ZNF347: variants seen among roughly 807,000 people sequenced by gnomAD.
The protein encoded by ZNF347 is zinc finger protein 347, also known as CTD-2620I22.7.
In ZNF347, 19 loss-of-function variants were observed where a neutral mutation model predicts 12.9. The observed-to-expected ratio is 1.47, with a 90% CI of 1.03 to 2.16. The LOEUF (loss-of-function observed/expected upper bound fraction) is 2.16, where lower values mean the gene tolerates loss of function less well. ZNF347 is among the 30% of genes most tolerant of loss of function. The probability of loss-of-function intolerance (pLI) is 0.00; values close to 1 mark genes in which losing one functional copy is unlikely to be tolerated. For synonymous variants in ZNF347, 328 were observed against 340.6 expected, an observed-to-expected ratio of 0.96 and a Z score of 0.41; for missense variants, 1,005 against 990.6, an observed-to-expected ratio of 1.01 and a Z score of -0.19.
At position 53,135,907 on chromosome 19, in the gene ZNF347, G is replaced by A. The variant is rs1253375083; in HGVS notation, c.*4401C>T. 6.6e-6 allele frequency: 1 copy of A among 152,028 alleles called. No homozygotes were observed. The highest frequency in any genetic ancestry group is 1.5e-5 in the Non-Finnish European group (1 of 68,002). 9.4% of individuals were successfully genotyped at this position (152,028 alleles called of 1,614,324 possible). A position where few individuals can be genotyped will look rare whatever the true frequency, so the allele number is the denominator to read the frequency against. On this transcript the variant is annotated 3_prime_UTR_variant, in exon 5 of 5. Coordinates refer to ENST00000334197, the MANE Select transcript of ZNF347 (RefSeq NM_032584.3). Reference sequence around the variant, plus strand: ...AAATCTAAGGGGAGTATATTAAATGGCAGCTGTCATTGCAAAAGTTGCACA... The same window carrying A: ...AAATCTAAGGGGAGTATATTAAATGACAGCTGTCATTGCAAAAGTTGCACA...
chr19:53,151,704 T>C (rs1023825468), intron 2 of ZNF347, among the ~76,000 whole-genome samples: 2 of 152,190 alleles, frequency 1.3e-5, no homozygotes, highest in Non-Finnish European at 2.9e-5. Flanking sequence ...ATTCTTACTA[T>C]TAAATCATTA....
At chr19:53,155,118 A>G (rs2090523681) in intron 1 of ZNF347, among the ~76,000 whole-genome samples, 1 of 151,850 alleles carries the variant, frequency 6.6e-6, no homozygotes. Flanking sequence ...TTGTATTTTT[A>G]GTAGAGACAG....
In ZNF347 at chr19:53,135,526, T is replaced by A. The variant is rs967921036; in HGVS notation, c.*4782A>T. The A allele has an allele frequency of 6.6e-6, 1 of 151,868 alleles. No homozygotes were observed. The highest frequency in any genetic ancestry group is 1.9e-4 in the East Asian group (1 of 5,144). The allele number at this position is 151,868 out of a possible 1,614,324, so 9.4% of individuals were successfully genotyped here. A position where few individuals can be genotyped will look rare whatever the true frequency, so the allele number is the denominator to read the frequency against. ...TAGCTGGGATTACAGGCGCCCGCCA[T>A]CACACCCAGCTAATTTTTGTATTTT... On this transcript the variant is annotated 3_prime_UTR_variant, in exon 5 of 5. Transcript: ENST00000334197.
intron 4 of ZNF347, among the ~76,000 whole-genome samples, chr19:53,145,016 G>A (rs183652046): frequency 5.9e-5 from 9 of 152,068 alleles, no homozygotes; most frequent in African/African-American, 1.9e-4. Context: ...ATGGCTGGGC[G>A]TGATGGCTCA....
chr19:53,151,036 A>C (rs1049148060), intron 2 of ZNF347, among the ~76,000 whole-genome samples: 14 of 152,230 alleles, frequency 9.2e-5, no homozygotes, highest in African/African-American at 3.1e-4. Flanking sequence ...CACTGTGCTC[A>C]GTCTGGCATT....
At chr19:53,153,636 C>T in intron 2 of ZNF347, 97 bp downstream of exon 2, 1 of 1,517,608 alleles carries the variant, frequency 6.6e-7, no homozygotes, top group South Asian at 1.1e-5. Flanking sequence ...ACCTGTCAGG[C>T]AGGACGCTTC....
Position 53,149,339 on chromosome 19 carries a change from A to G in ZNF347, c.44T>C (p.Ile15Thr), listed in dbSNP as rs1438591572. ...TGTCCACTCCTCCTGAGAGAATTCTATAGCCACATCCCTGAATGTCACCTG... is the reference window on the plus strand; with the variant it reads ...TGTCCACTCCTCCTGAGAGAATTCTGTAGCCACATCCCTGAATGTCACCTG... ...QGQVTFRDVAIEFSQEEWTCL... is the reference protein window; with the variant it reads ...QGQVTFRDVATEFSQEEWTCL... Residue 15 changes from isoleucine to threonine, a missense_variant, in exon 3 of 5, where the codon ATA becomes ACA. Coordinates refer to ENST00000334197, the MANE Select transcript of ZNF347 (RefSeq NM_032584.3). 2.7e-5 allele frequency: 44 copies of G among 1,613,910 alleles called. No individual in the cohort carries two copies. The highest frequency in any genetic ancestry group is 3.7e-5 in the Non-Finnish European group (44 of 1,179,954).
intron 1 of ZNF347, among the ~76,000 whole-genome samples, chr19:53,157,533 G>A (rs1199821038): frequency 6.6e-6 from 1 of 151,944 alleles, no homozygotes; most frequent in African/African-American, 2.4e-5. Flanking sequence ...CCATTCTGGG[G>A]CCTTGTTTCA....
intron 2 of ZNF347, among the ~76,000 whole-genome samples, chr19:53,150,323 G>T (rs147529844): frequency 4.3e-4 from 66 of 152,288 alleles, no homozygotes; most frequent in African/African-American, 1.6e-3. Flanking sequence ...GTTTTCCGTT[G>T]TGAGAGTACA....
intron 2 of ZNF347, among the ~76,000 whole-genome samples, chr19:53,152,713 G>A (rs761107005): frequency 1.8e-4 from 28 of 151,924 alleles, no homozygotes; most frequent in Admixed American, 5.2e-4. Flanking sequence ...GGTGGATCAC[G>A]AGGTCAGGAG....
At chr19:53,149,514 C>T in intron 2 of ZNF347, 147 bp from the exon 3 acceptor site, 1 of 1,409,978 alleles carries the variant, frequency 7.1e-7, no homozygotes. Flanking sequence ...TCTTCATCCC[C>T]CTTTCCTGAC....
chr19:53,141,135 C>T lies in ZNF347; in HGVS notation c.1693G>A (p.Gly565Arg). ...SLTTHQVIHT[G>R]EKPYKCNECG... ...TCATTACATTTGTAAGGTTTTTCTC[C>T]AGTATGGATGACCTGATGGGTAGTT... The change falls in exon 5 of 5, where the codon GGA becomes AGA. Residue 565 changes from glycine (G) to arginine (R), a missense_variant. Physicochemically the swap from Gly to Arg is moderately radical, Grantham distance 125. Transcript: ENST00000334197. The T allele has an allele frequency of 6.2e-7, 1 of 1,614,024 alleles. No homozygotes were observed. The highest frequency in any genetic ancestry group is 8.5e-7 in the Non-Finnish European group (1 of 1,179,976).
intron 3 of ZNF347, 49 bp downstream of exon 3, chr19:53,149,192 A>G: frequency 6.3e-7 from 1 of 1,597,812 alleles, no homozygotes; most frequent in Non-Finnish European, 8.5e-7. Flanking sequence ...TGGAAAATGA[A>G]AAGATACACA....
chr19:53,153,957 G>A, intron 1 of ZNF347, 164 bp from the exon 2 acceptor site: 1 of 587,344 alleles, frequency 1.7e-6, no homozygotes, highest in South Asian at 2.2e-5. Flanking sequence ...CTGCACCAGG[G>A]CAATGCAGGG....
chr19:53,140,355 C>T lies in ZNF347; in HGVS notation c.2473G>A (p.Val825Ile). The T allele has an allele frequency of 3.2e-6, 5 of 1,585,948 alleles. No individual in the cohort carries two copies. The highest frequency in any genetic ancestry group is 3.4e-6 in the Non-Finnish European group (4 of 1,168,848). Residue 825 changes from valine (V) to isoleucine (I), a missense_variant, in exon 5 of 5, where the codon GTT becomes ATT. Coordinates refer to ENST00000334197, the MANE Select transcript of ZNF347 (RefSeq NM_032584.3). ...GKPYKCNVWK[V>I]LKSEFKPCKP... ...CAAGGTTTGAACTCTGACTTTAGAA[C>T]TTTCCACACGTTACATTTGTAAGGT...
intron 2 of ZNF347, 29 bp downstream of exon 2, chr19:53,153,704 A>C (rs759886232): frequency 6.2e-7 from 1 of 1,611,430 alleles, no homozygotes; most frequent in South Asian, 1.1e-5. Flanking sequence ...AATAAGAGAC[A>C]GAACAATCCA....
At chr19:53,149,399 A>AT (rs2090483791) in intron 2 of ZNF347, 32 bp from the exon 3 acceptor site, 1 of 1,612,226 alleles carries the variant, frequency 6.2e-7, no homozygotes, top group Admixed American at 1.7e-5. Context: ...CCAGGGGGAT[A>AT]TAAGGAAAAG....
intron 2 of ZNF347, 132 bp from the exon 3 acceptor site, chr19:53,149,499 T>C: frequency 1.3e-6 from 2 of 1,489,670 alleles, no homozygotes; most frequent in East Asian, 5.2e-5. Context: ...AAAATATACA[T>C]ATGGTCTTCA....
chr19:53,144,431 A>G (rs138795345), intron 4 of ZNF347, among the ~76,000 whole-genome samples: 1 of 152,204 alleles, frequency 6.6e-6, no homozygotes, highest in South Asian at 2.1e-4. Context: ...ATAATAAATA[A>G]GTACACACCC....
Sources: allele counts gnomAD v4.1 joint callset (sites outside exome capture counted in the v4.1 genomes callset), GRCh38; gene constraint gnomAD v4.1.1; transcripts MANE v1.5; gene names NCBI Gene and HGNC (gene_info 2026-07-23, HGNC 2026-07-21).